The following RNF213 variants were observed in gnomAD, a reference collection of about 807,000 sequenced individuals.
The protein encoded by RNF213 is E3 ubiquitin-protein ligase RNF213.
A neutral mutation model predicts 514.4 loss-of-function variants in RNF213; 341 were observed. The ratio of observed to expected loss-of-function variants is 0.66; its 90% CI spans 0.61 to 0.73. The LOEUF (loss-of-function observed/expected upper bound fraction) is 0.73. Among genes scored for constraint, RNF213 ranks in the 30% least tolerant of loss-of-function variants. RNF213 has a pLI of 0.00. For missense variants in RNF213, 5,767 were observed against 6,615.6 expected (o/e 0.87, Z 4.45); for synonymous variants, 2,655 against 2,658.2 (o/e 1.00, Z 0.04).
intron 23 of RNF213, 95 bp downstream of exon 23, chr17:80,336,473 G>A (rs1222538344): frequency 9.0e-7 from 1 of 1,105,492 alleles, no homozygotes; most frequent in African/African-American, 1.5e-5. Flanking sequence ...GCACACCTGT[G>A]TGGTAGGTTT....
At chr17:80,384,789 G>A (rs567204044) in intron 59 of RNF213, 30 of 522,376 alleles carry the variant, frequency 5.7e-5, no homozygotes, top group African/African-American at 1.1e-4. Context: ...TTTGATGGAC[G>A]CGGCTGATGC....
At chr17:80,305,760 C>T (rs1412741523) in intron 11 of RNF213, among the ~76,000 whole-genome samples, 4 of 151,944 alleles carry the variant, frequency 2.6e-5, no homozygotes, top group African/African-American at 4.8e-5. Flanking sequence ...TACAGGATTA[C>T]AGGCATGTGC....
chr17:80,328,109 A>T (rs751556195), intron 19 of RNF213, 120 bp downstream of exon 19: 6 of 1,250,752 alleles, frequency 4.8e-6, no homozygotes, highest in African/African-American at 1.5e-5. Context: ...GATAATGAGT[A>T]TCTCTTCTTG....
At position 80,364,625 on chromosome 17, in the gene RNF213, T is replaced by C. The variant is rs538341537; in HGVS notation, c.11871+72T>C. The C allele has an allele frequency of 3.2e-5, 51 of 1,595,626 alleles. 1 individual carries two copies. The South Asian group carries it at 5.3e-4, about 17-fold the overall frequency. ...CCGAAAGGAAGAACAGCACTGACAGTGATCTGCGGCTGGGAGACGCTCTTT... is the reference window on the plus strand; with the variant it reads ...CCGAAAGGAAGAACAGCACTGACAGCGATCTGCGGCTGGGAGACGCTCTTT... On this transcript the variant is annotated intron_variant, in intron 42 of 67. Coordinates refer to ENST00000582970, the MANE Select transcript of RNF213 (RefSeq NM_001256071.3).
rs764874640 is a variant in RNF213 at position 80,332,399 on chromosome 17, A to G, written c.3911A>G (p.Asp1304Gly). The G allele has an allele frequency of 6.5e-7, 1 of 1,537,182 alleles. No individual in the cohort carries two copies. The highest frequency in any genetic ancestry group is 1.2e-5 in the South Asian group (1 of 84,068). ...GGAGAGGTCACCCTTGCAGAGATTGATGTCATCTTCAAGGACTTTGTGAAT... is the reference window on the plus strand; with the variant it reads ...GGAGAGGTCACCCTTGCAGAGATTGGTGTCATCTTCAAGGACTTTGTGAAT... ...KSGEVTLAEI[D>G]VIFKDFVNKY... Residue 1304 changes from aspartate (D) to glycine (G), a missense_variant, in exon 21 of 68, where the codon GAT (aspartate) becomes GGT (glycine). By Grantham distance (94) the Asp-to-Gly change is moderately conservative. Coordinates refer to ENST00000582970, the MANE Select transcript of RNF213 (RefSeq NM_001256071.3).
chr17:80,319,098 G>C, intron 16 of RNF213, 92 bp from the exon 17 acceptor site: 1 of 1,610,880 alleles, frequency 6.2e-7, no homozygotes, highest in Non-Finnish European at 8.5e-7. Flanking sequence ...AAAACAGCAG[G>C]AAAGTAAAAA....
Position 80,352,989 on chromosome 17 carries a change from G to C in RNF213, c.10353G>C (p.Met3451Ile). The C allele has an allele frequency of 6.2e-7, 1 of 1,613,996 alleles. No homozygotes were observed. Among genetic ancestry groups the C allele is most frequent in the Non-Finnish European group, 8.5e-7 (1 of 1,180,038 alleles). The change falls in exon 33 of 68, where the codon ATG (methionine) becomes ATC (isoleucine). Residue 3451 changes from methionine (M) to isoleucine (I), a missense_variant. Physicochemically the swap from Met to Ile is conservative, Grantham distance 10 (BLOSUM62 1). Coordinates refer to ENST00000582970, the MANE Select transcript of RNF213 (RefSeq NM_001256071.3). ...ATGACCTCCGGAGATCCACCCTCAT[G>C]GTTTCTGATGTGACCAGGCTGCAGC... is the stretch of plus-strand genomic sequence containing the variant. ...HIDDLRRSTLMVSDVTRLQHV... is the reference protein window; with the variant it reads ...HIDDLRRSTLIVSDVTRLQHV...
chr17:80,389,457 C>T, intron 65 of RNF213, 90 bp downstream of exon 65: 1 of 1,127,332 alleles, frequency 8.9e-7, no homozygotes, highest in Non-Finnish European at 1.3e-6. Context: ...GGGAGTGCCA[C>T]TCTAGGCGCT....
At chr17:80,302,526 C>T (rs895887775) in intron 11 of RNF213, among the ~76,000 whole-genome samples, 3 of 151,920 alleles carry the variant, frequency 2.0e-5, no homozygotes, top group Non-Finnish European at 4.4e-5. Context: ...ACACTGTTCC[C>T]CATAAATATG....
chr17:80,346,762 C>T lies in RNF213; in HGVS notation c.8427C>T (p.Cys2809=), dbSNP rs2078326089. 1 of 1,613,382 alleles carries T rather than the reference C, an allele frequency of 6.2e-7. No homozygotes were observed. Among genetic ancestry groups the T allele is most frequent in the African/African-American group, 1.3e-5 (1 of 74,922 alleles). The change falls in exon 29 of 68, where the codon TGC becomes TGT. Residue 2809 remains cysteine, a synonymous_variant. Coordinates refer to ENST00000582970, the MANE Select transcript of RNF213 (RefSeq NM_001256071.3). The surrounding 1 kb of genome is among the most constrained non-coding windows in gnomAD (Gnocchi z 8.1). ...LKQVHLVSFQ[C]SPHSTPQGII... is the part of the protein sequence containing the mutation. ...AGGTCCACCTGGTGTCCTTCCAGTG[C>T]AGCCCGCACTCCACCCCACAGGGCA...
chr17:80,303,937 TCA>T (rs2045269718), intron 11 of RNF213, among the ~76,000 whole-genome samples: 1 of 149,582 alleles, frequency 6.7e-6, no homozygotes, highest in South Asian at 2.2e-4. Flanking sequence ...AACTATTAAC[TCA>T]GCCCCTGATA....
chr17:80,346,124 A>T lies in RNF213; in HGVS notation c.7789A>T (p.Ile2597Phe). ...TGCTGAAAAGCTCTACATCCAGCAG[A>T]TTGTCCAGAGACTGGTTGAGTCCAT... The part of the protein sequence containing the change: ...DVAEKLYIQQ[I>F]VQRLVESISL... The change falls in exon 29 of 68, where the codon ATT becomes TTT. Residue 2597 changes from isoleucine to phenylalanine, a missense_variant. Coordinates refer to ENST00000582970, the MANE Select transcript of RNF213 (RefSeq NM_001256071.3). This position sits in a 1 kb window ranked among gnomAD's most constrained non-coding sequence, Gnocchi z 8.1. 6.2e-7 allele frequency: 1 copy of T among 1,614,134 alleles called. No homozygotes were observed. The highest frequency in any genetic ancestry group is 8.5e-7 in the Non-Finnish European group (1 of 1,180,042).
At chr17:80,333,762 C>T (rs968133441) in intron 21 of RNF213, 1 of 243,582 alleles carries the variant, frequency 4.1e-6, no homozygotes, top group Non-Finnish European at 8.2e-6. Flanking sequence ...TGCACGTCCT[C>T]GAGGAAGCAA....
At position 80,353,392 on chromosome 17, in the gene RNF213, C is replaced by T; in HGVS notation, c.10424-120C>T. ...TCTCTCATCTGGGGACCTAGCACCACAGCAGGGGCCGGGGAAGCCTGCACT... is the reference window on the plus strand; with the variant it reads ...TCTCTCATCTGGGGACCTAGCACCATAGCAGGGGCCGGGGAAGCCTGCACT... On this transcript the variant is annotated intron_variant, in intron 33 of 67. Transcript: ENST00000582970. The surrounding 1 kb of genome is among the most constrained non-coding windows in gnomAD (Gnocchi z 5.0). The T allele has an allele frequency of 4.2e-6, 5 of 1,178,778 alleles. No individual in the cohort carries two copies. In the South Asian group the frequency reaches 6.6e-5, roughly 15 times the overall value. The allele number at this position is 1,178,778 out of a possible 1,614,324, so 73.0% of individuals were successfully genotyped here. A position where few individuals can be genotyped will look rare whatever the true frequency, so the allele number is the denominator to read the frequency against.
At position 80,319,298 on chromosome 17, in the gene RNF213, A is replaced by C; in HGVS notation, c.3010A>C (p.Ser1004Arg). Residue 1004 changes from serine (S) to arginine (R), a missense_variant, in exon 17 of 68, where the codon AGC (serine) becomes CGC (arginine). Transcript: ENST00000582970. ...TFEKCIIEAV[S>R]SACQSQTSIL... is the part of the protein sequence containing the mutation. Reference sequence around the variant, plus strand: ...CGAGAAATGCATCATTGAAGCCGTGAGCTCAGCCTGCCAGGTGAACAATCT... The same window carrying C: ...CGAGAAATGCATCATTGAAGCCGTGCGCTCAGCCTGCCAGGTGAACAATCT... 1 of 1,614,172 alleles carries C rather than the reference A, an allele frequency of 6.2e-7. No individual in the cohort carries two copies. The highest frequency in any genetic ancestry group is 8.5e-7 in the Non-Finnish European group (1 of 1,180,028).
rs150052678 is a variant in RNF213 at position 80,284,684 on chromosome 17, C to T, written c.262-3131C>T. ...AGGTGAGGCTTGGTGCAGGCGTCTC[C>T]GGCCCTGTCTACTCTGCCTTCCGGA... On this transcript the variant is annotated intron_variant, in intron 3 of 67. Coordinates refer to ENST00000582970, the MANE Select transcript of RNF213 (RefSeq NM_001256071.3). 1.7e-3 allele frequency among the ~76,000 whole-genome samples: 253 copies of T among 152,264 alleles called. 1 individual carries two copies. The highest frequency in any genetic ancestry group is 5.6e-3 in the African/African-American group (232 of 41,554).
rs371080115 is a variant in RNF213, at chr17:80,364,509, G to C, written c.11827G>C (p.Glu3943Gln). The change falls in exon 42 of 68, where the codon GAG becomes CAG. Residue 3943 changes from glutamate to glutamine, a missense_variant. By Grantham distance (29) the Glu-to-Gln change is conservative. Coordinates refer to ENST00000582970, the MANE Select transcript of RNF213 (RefSeq NM_001256071.3). ...VLLGTESRVP[E>Q]LQGLVTEHVF... ...CCTAGGAACCGAGAGCCGCGTCCCC[G>C]AGTTACAGGGGCTGGTGACCGAGCA... 1.2e-6 allele frequency: 2 copies of C among 1,614,120 alleles called. No individual in the cohort carries two copies. The highest frequency in any genetic ancestry group is 1.7e-5 in the Admixed American group (1 of 60,028).
At chr17:80,332,903 A>C (rs1320455888) in intron 21 of RNF213, among the ~76,000 whole-genome samples, 1 of 152,192 alleles carries the variant, frequency 6.6e-6, no homozygotes, top group East Asian at 1.9e-4. Flanking sequence ...TCCTCTTTTC[A>C]TAACGGGCAT....
chr17:80,355,105 CAG>C, intron 36 of RNF213: 1 of 435,410 alleles, frequency 2.3e-6, no homozygotes, highest in Non-Finnish European at 4.7e-6. Context: ...GGGCCCCAGA[CAG>C]AGGGTCTCTT....
Sources: allele counts gnomAD v4.1 joint callset (sites outside exome capture counted in the v4.1 genomes callset), GRCh38; gene constraint gnomAD v4.1.1; non-coding constraint Gnocchi (gnomAD v3.1); transcripts MANE v1.5; gene names NCBI Gene and HGNC (gene_info 2026-07-23, HGNC 2026-07-21).